TAOK1: variants seen among roughly 807,000 people sequenced by gnomAD.
The protein encoded by TAOK1 is TAO kinase 1, also known as serine/threonine-protein kinase TAO1.
TAOK1 carries 21 observed loss-of-function variants against 138.3 expected under a neutral mutation model. The observed-to-expected ratio is 0.15, with a 90% CI of 0.11 to 0.22. The LOEUF is 0.22. Ranked by LOEUF, TAOK1 falls within the 10% of genes least tolerant of loss-of-function variation. TAOK1 has a pLI of 1.00. For missense variants in TAOK1, 651 were observed against 1,227.7 expected, an observed-to-expected ratio of 0.53 and a Z score of 7.02; for synonymous variants, 361 against 398.4, an observed-to-expected ratio of 0.91 and a Z score of 1.12.
At chr17:29,456,254 A>G (rs1440415000) in intron 2 of TAOK1, among the ~76,000 whole-genome samples, 6 of 150,020 alleles carry the variant, frequency 4.0e-5, no homozygotes, top group Non-Finnish European at 8.8e-5. Context: ...GAACTGAGGC[A>G]TGAGAATCGC....
At chr17:29,506,019 C>CAA (rs1261864883) in intron 13 of TAOK1, among the ~76,000 whole-genome samples, 1 of 152,122 alleles carries the variant, frequency 6.6e-6, no homozygotes, top group East Asian at 1.9e-4. Context: ...TTGGTGATAA[C>CAA]CTAAATTAGT....
At position 29,548,633 on chromosome 17, in the gene TAOK1, T is replaced by G. The variant is rs2032442175; in HGVS notation, c.*5611T>G. On this transcript the variant is annotated 3_prime_UTR_variant, in exon 20 of 20. Coordinates refer to ENST00000261716, the MANE Select transcript of TAOK1 (RefSeq NM_020791.4). Reference sequence around the variant, plus strand: ...TTGATACCCAGAATTCCCCCCAAAGTACGGGTAATTCAACCTGCACAGTTT... The same window carrying G: ...TTGATACCCAGAATTCCCCCCAAAGGACGGGTAATTCAACCTGCACAGTTT... 6.6e-6 allele frequency: 1 copy of G among 152,136 alleles called. No individual in the cohort carries two copies. The highest frequency in any genetic ancestry group is 1.5e-5 in the Non-Finnish European group (1 of 67,986). 9.4% of individuals were successfully genotyped at this position (152,136 alleles called of 1,614,324 possible). A position where few individuals can be genotyped will look rare whatever the true frequency, so the allele number is the denominator to read the frequency against.
At chr17:29,510,793 TTAA>T (rs2031706321) in intron 14 of TAOK1, 68 bp from the exon 15 acceptor site, 2 of 1,099,776 alleles carry the variant, frequency 1.8e-6, no homozygotes, top group Admixed American at 3.0e-5. Context: ...AAAGGTATTC[TTAA>T]TGATGTATAT....
rs1233953748 is a variant in TAOK1, at chr17:29,551,403, A to G, written c.*8381A>G. The G allele has an allele frequency of 3.3e-5, 5 of 152,208 alleles. No homozygotes were observed. The highest frequency in any genetic ancestry group is 5.9e-5 in the Non-Finnish European group (4 of 68,032). 9.4% of individuals were successfully genotyped at this position (152,208 alleles called of 1,614,324 possible). On this transcript the variant is annotated 3_prime_UTR_variant, in exon 20 of 20. Coordinates refer to ENST00000261716, the MANE Select transcript of TAOK1 (RefSeq NM_020791.4). ...AGCCCGTAGGGTTTTCATAGTGGACAAAGAACTTGTGGTCTTTTAAAACTG... is the reference window on the plus strand; with the variant it reads ...AGCCCGTAGGGTTTTCATAGTGGACGAAGAACTTGTGGTCTTTTAAAACTG...
intron 8 of TAOK1, among the ~76,000 whole-genome samples, chr17:29,486,510 G>A (rs1321361239): frequency 6.6e-6 from 1 of 152,026 alleles, no homozygotes; most frequent in Non-Finnish European, 1.5e-5. Flanking sequence ...GCGCATCCCG[G>A]TAATCCCAGC....
chr17:29,515,978 C>T (rs962103082), intron 15 of TAOK1, among the ~76,000 whole-genome samples: 2 of 151,204 alleles, frequency 1.3e-5, no homozygotes, highest in African/African-American at 4.9e-5. Context: ...TATTTTGAGA[C>T]GGAGTTTTGC....
At chr17:29,483,965 C>T (rs994050707) in intron 8 of TAOK1, among the ~76,000 whole-genome samples, 2 of 152,070 alleles carry the variant, frequency 1.3e-5, no homozygotes, top group Non-Finnish European at 2.9e-5. Flanking sequence ...TAATGCTGGC[C>T]GATGCATACA....
chr17:29,399,980 C>T (rs1244286578), intron 1 of TAOK1, among the ~76,000 whole-genome samples: 1 of 152,162 alleles, frequency 6.6e-6, no homozygotes, highest in Admixed American at 6.6e-5. Flanking sequence ...GATCCTTCTG[C>T]CTTGTTCTCC....
chr17:29,458,442 T>C (rs2030447271), intron 2 of TAOK1, among the ~76,000 whole-genome samples: 1 of 152,210 alleles, frequency 6.6e-6, no homozygotes, highest in Admixed American at 6.5e-5. Flanking sequence ...TTGACAGTCA[T>C]TTTAATTTGC....
intron 11 of TAOK1, among the ~76,000 whole-genome samples, chr17:29,496,215 C>CCT (rs2153028027): frequency 6.6e-6 from 1 of 151,814 alleles, no homozygotes; most frequent in East Asian, 2.0e-4. Flanking sequence ...ATTCTCCTGC[C>CCT]TCAGCCTCCC....
At chr17:29,473,846 C>T (rs766617614) in intron 3 of TAOK1, among the ~76,000 whole-genome samples, 5 of 151,930 alleles carry the variant, frequency 3.3e-5, no homozygotes, top group Non-Finnish European at 5.9e-5. Context: ...CCTTCCTCTG[C>T]GTTTCCTCCC....
chr17:29,469,940 T>G (rs2030774884), intron 3 of TAOK1, among the ~76,000 whole-genome samples: 1 of 152,184 alleles, frequency 6.6e-6, no homozygotes, highest in Non-Finnish European at 1.5e-5. Context: ...CCGGAACATA[T>G]TTTGCTGTGT....
rs964150029 is a variant in TAOK1 at position 29,547,396 on chromosome 17, C to G, written c.*4374C>G. 6.6e-6 allele frequency: 1 copy of G among 152,050 alleles called. No individual in the cohort carries two copies. Among genetic ancestry groups the G allele is most frequent in the African/African-American group, 2.4e-5 (1 of 41,428 alleles). The allele number at this position is 152,050 out of a possible 1,614,324, so 9.4% of individuals were successfully genotyped here. A position where few individuals can be genotyped will look rare whatever the true frequency, so the allele number is the denominator to read the frequency against. ...CCCTTTACCTGCCTCTTCTTGCTTG[C>G]TAATAGTAAGTTCTTTGTGCACCTT... On this transcript the variant is annotated 3_prime_UTR_variant, in exon 20 of 20. Coordinates refer to ENST00000261716, the MANE Select transcript of TAOK1 (RefSeq NM_020791.4).
At chr17:29,465,673 C>T (rs1030891702) in intron 2 of TAOK1, among the ~76,000 whole-genome samples, 1 of 151,968 alleles carries the variant, frequency 6.6e-6, no homozygotes, top group Admixed American at 6.6e-5. Flanking sequence ...GAATTGAAAA[C>T]GAGTTCTTGC....
At chr17:29,406,656 C>T (rs1240066241) in intron 1 of TAOK1, among the ~76,000 whole-genome samples, 2 of 152,080 alleles carry the variant, frequency 1.3e-5, no homozygotes, top group Non-Finnish European at 2.9e-5. Flanking sequence ...CTCAGGTTCC[C>T]AAGCAGCTGA....
chr17:29,507,798 C>A, intron 13 of TAOK1, 98 bp from the exon 14 acceptor site: 1 of 1,074,724 alleles, frequency 9.3e-7, no homozygotes, highest in Non-Finnish European at 1.3e-6. Context: ...GGATATTTTA[C>A]ACTAATTCCC....
At chr17:29,424,596 G>A (rs1905575871) in intron 1 of TAOK1, among the ~76,000 whole-genome samples, 1 of 152,052 alleles carries the variant, frequency 6.6e-6, no homozygotes, top group Non-Finnish European at 1.5e-5. Context: ...TGGAAGTTGT[G>A]CTTATCAGAA....
Position 29,509,736 on chromosome 17 carries a change from A to C in TAOK1, c.1576-1128A>C, listed in dbSNP as rs575915172. Reference sequence around the variant, plus strand: ...TGGGAAGACTCTGTCTCCACACACAAAAAAAATAAATTAGCTGAGCAGGGT... The same window carrying C: ...TGGGAAGACTCTGTCTCCACACACACAAAAAATAAATTAGCTGAGCAGGGT... On this transcript the variant is annotated intron_variant, in intron 14 of 19. Transcript: ENST00000261716. Among the ~76,000 whole-genome samples, 152 of 151,786 alleles carry C rather than the reference A, an allele frequency of 1.0e-3. 1 individual carries two copies. Among genetic ancestry groups the C allele is most frequent in the Non-Finnish European group, 1.7e-3 (115 of 67,924 alleles).
rs2032303530 is a variant in TAOK1 at position 29,540,840 on chromosome 17, G to A, written c.2545-1721G>A. ...CTGCCTCAGCCTCCCAAAGTGCTGG[G>A]ATTACAGTCGTGAGCCACTGTGCCC... is the stretch of plus-strand genomic sequence containing the variant. On this transcript the variant is annotated intron_variant, in intron 19 of 19. Coordinates refer to ENST00000261716, the MANE Select transcript of TAOK1 (RefSeq NM_020791.4). Among the ~76,000 whole-genome samples, 5 of 151,974 alleles carry A rather than the reference G, an allele frequency of 3.3e-5. No individual in the cohort carries two copies. In the South Asian group the frequency reaches 6.2e-4, roughly 19 times the overall value.
Sources: allele counts gnomAD v4.1 joint callset (sites outside exome capture counted in the v4.1 genomes callset), GRCh38; gene constraint gnomAD v4.1.1; transcripts MANE v1.5; gene names NCBI Gene and HGNC (gene_info 2026-07-23, HGNC 2026-07-21).